Variants in SERGEF observed in about 807,000 individuals in gnomAD.
SERGEF encodes secretion-regulating guanine nucleotide exchange factor.
A neutral mutation model predicts 50.0 loss-of-function variants in SERGEF; 51 were observed. That is an observed-to-expected ratio of 1.02 (90% CI 0.81 to 1.29). The LOEUF is 1.29. Ranked by LOEUF, SERGEF falls within the 50% of genes most tolerant of loss-of-function variation. SERGEF has a pLI of 0.00. For synonymous variants in SERGEF, 205 were observed against 212.4 expected (o/e 0.97, Z 0.30); for missense variants, 521 against 557.0 (o/e 0.94, Z 0.65).
chr11:17,826,527 G>A lies in SERGEF; in HGVS notation c.1049-38114C>T, dbSNP rs1850199301. Reference sequence around the variant, plus strand: ...TCAAAATAGAGTGCCCAGGCTGCACGGATGGGGAGTGGGAGTTACTGTTTA... The same window carrying A: ...TCAAAATAGAGTGCCCAGGCTGCACAGATGGGGAGTGGGAGTTACTGTTTA... On this transcript the variant is annotated intron_variant, in intron 10 of 10. Coordinates refer to ENST00000265965, the MANE Select transcript of SERGEF (RefSeq NM_012139.4). 1.3e-5 allele frequency among the ~76,000 whole-genome samples: 2 copies of A among 152,202 alleles called. 1 individual carries two copies. The highest frequency in any genetic ancestry group is 4.1e-4 in the South Asian group (2 of 4,832).
chr11:17,892,263 C>A (rs1223340116), intron 9 of SERGEF, among the ~76,000 whole-genome samples: 1 of 152,234 alleles, frequency 6.6e-6, no homozygotes, highest in African/African-American at 2.4e-5. Flanking sequence ...CATCCTTTGG[C>A]TTTGGACTCA....
At chr11:18,003,787 TA>T (rs777661083) in intron 4 of SERGEF, among the ~76,000 whole-genome samples, 3 of 152,180 alleles carry the variant, frequency 2.0e-5, no homozygotes. Flanking sequence ...AAAAGTAGAT[TA>T]GTACTCACCA....
intron 10 of SERGEF, among the ~76,000 whole-genome samples, chr11:17,817,494 G>C (rs1000821868): frequency 9.9e-5 from 15 of 152,222 alleles, no homozygotes; most frequent in African/African-American, 3.6e-4. Context: ...GGGATTACAG[G>C]CATGAGCCAC....
intron 8 of SERGEF, among the ~76,000 whole-genome samples, chr11:17,987,917 G>A (rs1044061670): frequency 6.6e-6 from 1 of 152,136 alleles, no homozygotes; most frequent in Non-Finnish European, 1.5e-5. Context: ...GGAACTCTGT[G>A]AAATCAACAG....
At chr11:17,912,500 T>A (rs1025839862) in intron 9 of SERGEF, among the ~76,000 whole-genome samples, 13 of 152,226 alleles carry the variant, frequency 8.5e-5, no homozygotes, top group African/African-American at 3.1e-4. Context: ...ATCATCTGTA[T>A]CAATTTCCCT....
chr11:17,839,140 T>C (rs986462808), intron 10 of SERGEF, among the ~76,000 whole-genome samples: 14 of 152,168 alleles, frequency 9.2e-5, no homozygotes, highest in African/African-American at 3.4e-4. Flanking sequence ...TGTCTTCAAG[T>C]TGGAGTGGTT....
intron 10 of SERGEF, among the ~76,000 whole-genome samples, chr11:17,809,636 C>T (rs1017198841): frequency 2.0e-5 from 3 of 152,078 alleles, no homozygotes; most frequent in African/African-American, 7.2e-5. Flanking sequence ...CAAACAAAGC[C>T]TGAGCTGTCT....
chr11:17,825,641 G>C, intron 10 of SERGEF, among the ~76,000 whole-genome samples: 1 of 152,168 alleles, frequency 6.6e-6, no homozygotes, highest in East Asian at 1.9e-4. Flanking sequence ...AAGCCAGAGA[G>C]TTCCATGGTT....
chr11:17,878,246 T>A lies in SERGEF; in HGVS notation c.1012-2A>T. The A allele has an allele frequency of 6.5e-7, 1 of 1,540,770 alleles. No homozygotes were observed. The highest frequency in any genetic ancestry group is 1.5e-5 in the African/African-American group (1 of 65,262). On this transcript the variant is annotated splice_acceptor_variant, in intron 9 of 10. Coordinates refer to ENST00000265965, the MANE Select transcript of SERGEF (RefSeq NM_012139.4). LOFTEE classifies it high-confidence loss of function. ...ATTATGCTCTGAGCCACAAGAGACCTGTAAAAAAAAAAAAAGACAAAGAAA... is the reference window on the plus strand; with the variant it reads ...ATTATGCTCTGAGCCACAAGAGACCAGTAAAAAAAAAAAAAGACAAAGAAA...
chr11:17,862,935 T>C (rs1850952455), intron 10 of SERGEF, among the ~76,000 whole-genome samples: 1 of 152,258 alleles, frequency 6.6e-6, no homozygotes, highest in Non-Finnish European at 1.5e-5. Context: ...TCAGTAATGC[T>C]AGCTCTGCTG....
At chr11:17,796,410 C>T (rs879827495) in intron 10 of SERGEF, among the ~76,000 whole-genome samples, 2 of 152,152 alleles carry the variant, frequency 1.3e-5, no homozygotes, top group African/African-American at 2.4e-5. Context: ...AGAAGCGGGA[C>T]CTTTAAGAGG....
intron 9 of SERGEF, among the ~76,000 whole-genome samples, chr11:17,913,500 A>T (rs1851990154): frequency 6.6e-6 from 1 of 152,238 alleles, no homozygotes; most frequent in South Asian, 2.1e-4. Flanking sequence ...TGCTGGAATT[A>T]GCTAGAGAAG....
At chr11:17,816,214 G>T (rs1394687680) in intron 10 of SERGEF, among the ~76,000 whole-genome samples, 1 of 152,138 alleles carries the variant, frequency 6.6e-6, no homozygotes, top group East Asian at 1.9e-4. Context: ...TGAGAAAGGG[G>T]GAGTATTGTT....
At chr11:17,796,657 C>G (rs1410965512) in intron 10 of SERGEF, among the ~76,000 whole-genome samples, 1 of 152,174 alleles carries the variant, frequency 6.6e-6, no homozygotes, top group Admixed American at 6.5e-5. Flanking sequence ...TTATAAATTA[C>G]CCAGTCTGTG....
chr11:17,821,934 G>A (rs948194179), intron 10 of SERGEF, among the ~76,000 whole-genome samples: 7 of 152,132 alleles, frequency 4.6e-5, no homozygotes, highest in African/African-American at 1.7e-4. Context: ...GCACTGAAAG[G>A]GCAATTCTCC....
Position 18,004,510 on chromosome 11 carries a change from T to C in SERGEF, c.378A>G (p.Gly126=), listed in dbSNP as rs1487088255. ...CTCCTAACTGGCCAAAGGAGTTGGA[T>C]CCACATGATAGAACTTGACCATTTT... is the stretch of plus-strand genomic sequence containing the variant. ...LTENGQVLSC[G]SNSFGQLGVP... is the part of the protein sequence containing the mutation. The change falls in exon 4 of 11, where the codon GGA becomes GGG. Residue 126 remains glycine (G), a synonymous_variant. Coordinates refer to ENST00000265965, the MANE Select transcript of SERGEF (RefSeq NM_012139.4). The C allele has an allele frequency of 3.1e-6, 5 of 1,613,428 alleles. No homozygotes were observed. In the East Asian group the frequency reaches 6.7e-5, roughly 22 times the overall value.
At chr11:17,810,922 G>T (rs1422611516) in intron 10 of SERGEF, among the ~76,000 whole-genome samples, 1 of 152,152 alleles carries the variant, frequency 6.6e-6, no homozygotes, top group Non-Finnish European at 1.5e-5. Context: ...TACATTCAAA[G>T]GAGACTTTTA....
At chr11:17,890,063 C>T (rs1851504204) in intron 9 of SERGEF, among the ~76,000 whole-genome samples, 1 of 150,018 alleles carries the variant, frequency 6.7e-6, no homozygotes, top group Admixed American at 6.6e-5. Context: ...GGATAGCTTC[C>T]TTCTTAAGCC....
At chr11:17,879,462 G>A (rs1301855957) in intron 9 of SERGEF, among the ~76,000 whole-genome samples, 2 of 152,120 alleles carry the variant, frequency 1.3e-5, no homozygotes, top group Non-Finnish European at 2.9e-5. Flanking sequence ...GGCTTGGGAG[G>A]GAGAAATAAC....
Sources: gnomAD v4.1 joint callset for allele counts (sites outside exome capture counted in the v4.1 genomes callset) on GRCh38, gnomAD v4.1.1 for gene constraint, MANE v1.5 for transcripts, NCBI Gene and HGNC (gene_info 2026-07-23, HGNC 2026-07-21) for gene names.